The following ASPSCR1 variants were observed in gnomAD, a reference collection of about 807,000 sequenced individuals.
The protein encoded by ASPSCR1 is ASPSCR1 tether for SLC2A4, UBX domain containing.
A neutral mutation model predicts 68.9 loss-of-function variants in ASPSCR1; 55 were observed. That is an observed-to-expected ratio of 0.80 (90% CI 0.64 to 1.00). ASPSCR1 has a LOEUF of 1.00. Among genes scored for constraint, ASPSCR1 ranks in the 50% least tolerant of loss-of-function variants. ASPSCR1 has a pLI of 0.00. For synonymous variants in ASPSCR1, 352 were observed against 332.6 expected (o/e 1.06, Z -0.63); for missense variants, 765 against 762.2 (o/e 1.00, Z -0.04).
At chr17:81,979,079 G>C (rs1397798029) in intron 1 of ASPSCR1, 105 bp from the exon 2 acceptor site, 125 of 1,262,614 alleles carry the variant, frequency 9.9e-5, no homozygotes, top group Non-Finnish European at 1.3e-4. Context: ...CCTGGGCAGA[G>C]CCACCTGGCT....
Position 81,986,984 on chromosome 17 carries a change from T to C in ASPSCR1, c.374+1377T>C, listed in dbSNP as rs866475214. Reference sequence around the variant, plus strand: ...TTAAGCACGAGCACGGAATTCTCCCTCCCAAAACGGAACTCAGACAACAGT... The same window carrying C: ...TTAAGCACGAGCACGGAATTCTCCCCCCCAAAACGGAACTCAGACAACAGT... On this transcript the variant is annotated intron_variant, in intron 4 of 15. Transcript: ENST00000306739. This position sits in a 1 kb window ranked among gnomAD's most constrained non-coding sequence, Gnocchi z 5.2. 1.9e-4 allele frequency among the ~76,000 whole-genome samples: 29 copies of C among 152,080 alleles called. No individual in the cohort carries two copies. The highest frequency in any genetic ancestry group is 7.0e-4 in the African/African-American group (29 of 41,466).
rs754576803 is a variant in ASPSCR1 at position 81,996,021 on chromosome 17, G to T, written c.462G>T (p.Thr154=). 6.2e-7 allele frequency: 1 copy of T among 1,610,676 alleles called. No homozygotes were observed. The part of the protein sequence containing the change: ...EVTGEAALRG[T]TLQSLGLTGG... The stretch of plus-strand genomic sequence containing the variant: ...CGGGTGAAGCTGCCCTGCGGGGCAC[G>T]ACGCTGCAGTCGCTGGGCCTGACCG... Residue 154 remains threonine (T), a synonymous_variant, in exon 6 of 16, where the codon ACG becomes ACT. Transcript: ENST00000306739.
rs558896726 is a variant in ASPSCR1, at chr17:82,009,190, C to T, written c.1087C>T (p.Arg363Trp). Residue 363 changes from arginine (R) to tryptophan (W), a missense_variant and splice_region_variant, in exon 8 of 16, where the codon CGG (arginine) becomes TGG (tryptophan). By Grantham distance (101) the Arg-to-Trp change is moderately radical. Transcript: ENST00000306739. ...ACGCTTGGCCCAGCTCAAGAGTGAG[C>T]GGTGGGTGCCCCCTCAGTGCCTCCC... ...RRRLAQLKSE[R>W]KRLEEAPLVT... 12 of 1,602,470 alleles carry T rather than the reference C, an allele frequency of 7.5e-6. No individual in the cohort carries two copies. Among genetic ancestry groups the T allele is most frequent in the East Asian group, 2.2e-5 (1 of 44,524 alleles).
rs555782117 is a variant in ASPSCR1, at chr17:82,015,458, G to A, written c.1354-1018G>A. On this transcript the variant is annotated intron_variant, in intron 12 of 15. Transcript: ENST00000306739. The stretch of plus-strand genomic sequence containing the variant: ...CCTACTTCCCTCTCCTGGTGTTCCC[G>A]AGTCCTGCCCGCCCCTTTCTGTGCG... 2.5e-4 allele frequency: 350 copies of A among 1,408,548 alleles called. 3 individuals are homozygous for A. In the East Asian group the frequency reaches 7.2e-3, roughly 29 times the overall value. 87.3% of individuals were successfully genotyped at this position (1,408,548 alleles called of 1,614,324 possible). A position where few individuals can be genotyped will look rare whatever the true frequency, so the allele number is the denominator to read the frequency against.
At chr17:82,002,308 G>A (rs569821774) in intron 7 of ASPSCR1, among the ~76,000 whole-genome samples, 3 of 151,340 alleles carry the variant, frequency 2.0e-5, no homozygotes, top group Non-Finnish European at 4.4e-5. Context: ...ACCCAGGCTG[G>A]AGTACAATGG....
chr17:81,996,397 C>T (rs1231961940), intron 6 of ASPSCR1, 23 bp from the exon 7 acceptor site: 7 of 1,560,990 alleles, frequency 4.5e-6, no homozygotes, highest in Admixed American at 3.7e-5. Context: ...AAGGTGCTTC[C>T]CTTGTCCTCT....
rs761437153 is a variant in ASPSCR1, at chr17:81,985,572, C to T, written c.339C>T (p.Thr113=). The T allele has an allele frequency of 8.1e-6, 13 of 1,613,904 alleles. No homozygotes were observed. The highest frequency in any genetic ancestry group is 8.5e-6 in the Non-Finnish European group (10 of 1,180,028). ...AGGACTCTTTCTGTTCAGGCCAGAC[C>T]CTCTGGGAGCTTCTCAGCCATTTTC... ...RLQDSFCSGQ[T]LWELLSHFPQ... is the part of the protein sequence containing the mutation. Residue 113 remains threonine (T), a synonymous_variant, in exon 4 of 16, where the codon ACC becomes ACT. Coordinates refer to ENST00000306739, the MANE Select transcript of ASPSCR1 (RefSeq NM_024083.4).
intron 8 of ASPSCR1, 122 bp from the exon 9 acceptor site, chr17:82,009,359 ACCTTC>A (rs2042833277): frequency 1.5e-6 from 2 of 1,353,328 alleles, no homozygotes; most frequent in Non-Finnish European, 2.0e-6. Flanking sequence ...GGGCGTCCAG[ACCTTC>A]CTGCCTTGTG....
chr17:82,011,547 G>A lies in ASPSCR1; in HGVS notation c.1242G>A (p.Gly414=). ...TGTTCTTTTTCTCCTCTGCAGTGGG[G>A]GACTTGCGAGACTTCGTGAGGAGCC... ...QGFFRPSETV[G]DLRDFVRSHL... Residue 414 remains glycine, a synonymous_variant, in exon 11 of 16, where the codon GGG becomes GGA. Coordinates refer to ENST00000306739, the MANE Select transcript of ASPSCR1 (RefSeq NM_024083.4). 6.3e-7 allele frequency: 1 copy of A among 1,581,848 alleles called. No individual in the cohort carries two copies. Among genetic ancestry groups the A allele is most frequent in the South Asian group, 1.2e-5 (1 of 86,312 alleles).
At chr17:81,998,425 G>A (rs193227178) in intron 7 of ASPSCR1, among the ~76,000 whole-genome samples, 93 of 152,186 alleles carry the variant, frequency 6.1e-4, no homozygotes, top group African/African-American at 2.1e-3. Context: ...TTCCTGTGTT[G>A]CAGCGAATGG....
At position 82,009,206 on chromosome 17, in the gene ASPSCR1, A is replaced by T. The variant is rs776860647; in HGVS notation, c.1088+15A>T. ...AAGAGTGAGCGGTGGGTGCCCCCTCAGTGCCTCCCGGCATCTTCGCGCCAG... is the reference window on the plus strand; with the variant it reads ...AAGAGTGAGCGGTGGGTGCCCCCTCTGTGCCTCCCGGCATCTTCGCGCCAG... On this transcript the variant is annotated intron_variant, in intron 8 of 15. Coordinates refer to ENST00000306739, the MANE Select transcript of ASPSCR1 (RefSeq NM_024083.4). 1 of 1,591,868 alleles carries T rather than the reference A, an allele frequency of 6.3e-7. No individual in the cohort carries two copies. The highest frequency in any genetic ancestry group is 8.6e-7 in the Non-Finnish European group (1 of 1,166,828).
rs1418228422 is a variant in ASPSCR1 at position 81,986,181 on chromosome 17, T to C, written c.374+574T>C. 6.6e-6 allele frequency among the ~76,000 whole-genome samples: 1 copy of C among 152,120 alleles called. No homozygotes were observed. Among genetic ancestry groups the C allele is most frequent in the Admixed American group, 6.6e-5 (1 of 15,264 alleles). On this transcript the variant is annotated intron_variant, in intron 4 of 15. Coordinates refer to ENST00000306739, the MANE Select transcript of ASPSCR1 (RefSeq NM_024083.4). The surrounding 1 kb of genome is among the most constrained non-coding windows in gnomAD (Gnocchi z 5.2). ...TGGCTGGGCAAAGTGGCTTGCACTT[T>C]GGAAGGCCGAGGCTGGCGAATCGCT...
At chr17:81,984,404 C>G (rs1448587872) in intron 3 of ASPSCR1, among the ~76,000 whole-genome samples, 1 of 152,022 alleles carries the variant, frequency 6.6e-6, no homozygotes, top group African/African-American at 2.4e-5. Context: ...TAATGAAACC[C>G]CGTCTCTACT....
rs896501005 is a variant in ASPSCR1, at chr17:81,999,944, G to A, written c.933+3098G>A. On this transcript the variant is annotated intron_variant, in intron 7 of 15. Coordinates refer to ENST00000306739, the MANE Select transcript of ASPSCR1 (RefSeq NM_024083.4). The surrounding 1 kb of genome is among the most constrained non-coding windows in gnomAD (Gnocchi z 4.4). Reference sequence around the variant, plus strand: ...GCTGTCCTGGGACTGTTCCTGTTGAGTGGACAAGGGAGTGGGGAGTGAGGG... The same window carrying A: ...GCTGTCCTGGGACTGTTCCTGTTGAATGGACAAGGGAGTGGGGAGTGAGGG... Among the ~76,000 whole-genome samples, 1 of 152,234 alleles carries A rather than the reference G, an allele frequency of 6.6e-6. No homozygotes were observed. Among genetic ancestry groups the A allele is most frequent in the African/African-American group, 2.4e-5 (1 of 41,474 alleles).
rs749730438 is a variant in ASPSCR1 at position 81,996,787 on chromosome 17, C to CAGCAGG, written c.890_895dup (p.Gln297_Glu298dup). 391 of 1,611,218 alleles carry CAGCAGG rather than the reference C, an allele frequency of 2.4e-4. 2 individuals are homozygous for CAGCAGG. Among genetic ancestry groups the CAGCAGG allele is most frequent in the Middle Eastern group, 1.3e-3 (8 of 6,004 alleles). On this transcript the variant is annotated inframe_insertion, in exon 7 of 16. Transcript: ENST00000306739. Reference sequence around the variant, plus strand: ...GAAGTCCAAGTCGGGCCAGGATCCCCAGCAGGAGCAGGAGCAGGAGCGGGA... The same window carrying CAGCAGG: ...GAAGTCCAAGTCGGGCCAGGATCCCCAGCAGGAGCAGGAGCAGGAGCAGGAGCGGGA...
chr17:82,009,774 G>T (rs1292925674), intron 9 of ASPSCR1, among the ~76,000 whole-genome samples: 3 of 150,328 alleles, frequency 2.0e-5, no homozygotes, highest in African/African-American at 7.4e-5. Flanking sequence ...CTGAGGTACA[G>T]CTCTGAGGGG....
chr17:81,984,925 A>G (rs2041925329), intron 3 of ASPSCR1, among the ~76,000 whole-genome samples: 1 of 90,198 alleles, frequency 1.1e-5, no homozygotes, highest in South Asian at 4.5e-4. Context: ...CAACGTGCAC[A>G]CACCCCCACA....
At chr17:82,015,767 C>T in intron 12 of ASPSCR1, 1 of 228,654 alleles carries the variant, frequency 4.4e-6, no homozygotes. Flanking sequence ...TGGCGCTGTC[C>T]TCCCCGTGCC....
chr17:81,993,365 C>T (rs1234076264), intron 4 of ASPSCR1, among the ~76,000 whole-genome samples: 3 of 152,286 alleles, frequency 2.0e-5, no homozygotes, highest in East Asian at 1.9e-4. Flanking sequence ...AGGCGCCCGC[C>T]ACCACGCCTG....
Sources: gnomAD v4.1 joint callset for allele counts (sites outside exome capture counted in the v4.1 genomes callset) on GRCh38, gnomAD v4.1.1 for gene constraint, Gnocchi (gnomAD v3.1) non-coding constraint, MANE v1.5 for transcripts, NCBI Gene and HGNC (gene_info 2026-07-23, HGNC 2026-07-21) for gene names.